The following LHFPL6 variants were observed in gnomAD, a reference collection of about 807,000 sequenced individuals.
LHFPL6 encodes the protein LHFPL tetraspan subfamily member 6 protein.
LHFPL6 carries 9 observed loss-of-function variants against 20.6 expected under a neutral mutation model. That is an observed-to-expected ratio of 0.44 (90% CI 0.26 to 0.76). The LOEUF is 0.76. Ranked by LOEUF, LHFPL6 falls within the 30% of genes least tolerant of loss-of-function variation. LHFPL6 has a pLI of 0.20. For missense variants in LHFPL6, 218 were observed against 253.5 expected (o/e 0.86, Z 0.95); for synonymous variants, 105 against 98.7 (o/e 1.06, Z -0.38).
At chr13:39,463,799 T>C (rs567287827) in intron 2 of LHFPL6, among the ~76,000 whole-genome samples, 1 of 152,328 alleles carries the variant, frequency 6.6e-6, no homozygotes, top group African/African-American at 2.4e-5. Context: ...ACACTCATGC[T>C]ATAATTGGTT....
intron 2 of LHFPL6, among the ~76,000 whole-genome samples, chr13:39,420,427 A>T (rs1871451912): frequency 6.6e-6 from 1 of 152,222 alleles, no homozygotes. Flanking sequence ...CTGTTCTAAA[A>T]GAAGCAAACA....
chr13:39,468,058 G>T (rs2138434391), intron 2 of LHFPL6, among the ~76,000 whole-genome samples: 1 of 152,206 alleles, frequency 6.6e-6, no homozygotes, highest in East Asian at 1.9e-4. Flanking sequence ...TAATATACTT[G>T]TTCCTCTTGG....
intron 2 of LHFPL6, among the ~76,000 whole-genome samples, chr13:39,494,791 G>C (rs1329075592): frequency 6.6e-6 from 1 of 152,182 alleles, no homozygotes; most frequent in Non-Finnish European, 1.5e-5. Flanking sequence ...TACTGACATA[G>C]TCACAAGAGA....
At chr13:39,494,313 A>AT (rs1172918033) in intron 2 of LHFPL6, among the ~76,000 whole-genome samples, 1 of 152,222 alleles carries the variant, frequency 6.6e-6, no homozygotes, top group African/African-American at 2.4e-5. Flanking sequence ...AGTTCGTGGC[A>AT]TTTTTTACCA....
chr13:39,601,074 C>T lies in LHFPL6; in HGVS notation c.143G>A (p.Arg48Gln), dbSNP rs765410724. 2.5e-6 allele frequency: 4 copies of T among 1,614,056 alleles called. No homozygotes were observed. The Admixed American group carries it at 5.0e-5, about 20-fold the overall frequency. ...LGKPVSFGTFRRCSYPVHDES... is the reference protein window; with the variant it reads ...LGKPVSFGTFQRCSYPVHDES... ...ATCATGCACAGGATATGAGCACCTC[C>T]GGAAGGTACCGAAGGACACAGGCTT... The change falls in exon 2 of 4, where the codon CGG becomes CAG. Residue 48 changes from arginine to glutamine, a missense_variant. Physicochemically the swap from Arg to Gln is conservative, Grantham distance 43. Coordinates refer to ENST00000379589, the MANE Select transcript of LHFPL6 (RefSeq NM_005780.3).
At chr13:39,461,994 G>C (rs9603543) in intron 2 of LHFPL6, among the ~76,000 whole-genome samples, 63,636 of 151,974 alleles carry the variant, frequency 0.42, 13,404 homozygotes, top group Middle Eastern at 0.52. Flanking sequence ...CTGTGGCTGA[G>C]TCTGTCACCT....
intron 2 of LHFPL6, among the ~76,000 whole-genome samples, chr13:39,586,391 T>C (rs1593374901): frequency 6.6e-6 from 1 of 152,186 alleles, no homozygotes; most frequent in Non-Finnish European, 1.5e-5. Flanking sequence ...ATATGCACAT[T>C]GTAACACTGT....
chr13:39,488,617 T>G (rs1868804429), intron 2 of LHFPL6, among the ~76,000 whole-genome samples: 1 of 152,192 alleles, frequency 6.6e-6, no homozygotes, highest in Non-Finnish European at 1.5e-5. Context: ...TACTACCAAA[T>G]GAAGCTATAA....
chr13:39,600,093 G>T (rs1034740662), intron 2 of LHFPL6, among the ~76,000 whole-genome samples: 2 of 152,234 alleles, frequency 1.3e-5, no homozygotes, highest in African/African-American at 4.8e-5. Context: ...AGATATTGAA[G>T]CAATACTTGC....
intron 2 of LHFPL6, among the ~76,000 whole-genome samples, chr13:39,490,105 A>AC (rs1868869828): frequency 6.6e-6 from 1 of 152,174 alleles, no homozygotes; most frequent in Non-Finnish European, 1.5e-5. Flanking sequence ...CAAAAAAAAA[A>AC]ACAGGAAACG....
chr13:39,458,802 A>C (rs1402502833), intron 2 of LHFPL6, among the ~76,000 whole-genome samples: 2 of 152,168 alleles, frequency 1.3e-5, no homozygotes, highest in African/African-American at 4.8e-5. Context: ...AGGGTTAGGA[A>C]GTCCACATTT....
chr13:39,350,849 T>C (rs1869552436), intron 3 of LHFPL6, among the ~76,000 whole-genome samples: 1 of 151,484 alleles, frequency 6.6e-6, no homozygotes, highest in Admixed American at 6.6e-5. Context: ...AGCCCCAGAG[T>C]AGAGATAGGG....
chr13:39,462,181 C>A (rs1872705228), intron 2 of LHFPL6, among the ~76,000 whole-genome samples: 2 of 152,146 alleles, frequency 1.3e-5, no homozygotes, highest in Admixed American at 1.3e-4. Flanking sequence ...CTTATTAGGT[C>A]TCTCTTCAGA....
At chr13:39,453,624 A>G (rs1872503822) in intron 2 of LHFPL6, among the ~76,000 whole-genome samples, 1 of 152,220 alleles carries the variant, frequency 6.6e-6, no homozygotes, top group Admixed American at 6.5e-5. Context: ...AGCAGCAGCT[A>G]AGTGAAAATC....
intron 2 of LHFPL6, among the ~76,000 whole-genome samples, chr13:39,475,506 T>A (rs1873062947): frequency 6.6e-6 from 1 of 152,002 alleles, no homozygotes; most frequent in African/African-American, 2.4e-5. Context: ...CAGGCACTAA[T>A]GTCAGAATAC....
intron 2 of LHFPL6, among the ~76,000 whole-genome samples, chr13:39,587,431 A>G (rs1225309226): frequency 6.6e-6 from 1 of 151,602 alleles, no homozygotes; most frequent in Non-Finnish European, 1.5e-5. Context: ...TCACAATGTC[A>G]CTCCTGCCCT....
chr13:39,483,451 G>C (rs975071815), intron 2 of LHFPL6, among the ~76,000 whole-genome samples: 16 of 149,348 alleles, frequency 1.1e-4, no homozygotes, highest in African/African-American at 3.9e-4. Context: ...AATTGGCCTA[G>C]AATATTCCAA....
intron 2 of LHFPL6, among the ~76,000 whole-genome samples, chr13:39,558,119 A>G (rs1871363654): frequency 6.6e-6 from 1 of 152,240 alleles, no homozygotes; most frequent in African/African-American, 2.4e-5. Flanking sequence ...ATGCAAGAGC[A>G]GACCAACACA....
chr13:39,479,930 A>G (rs554059753), intron 2 of LHFPL6, among the ~76,000 whole-genome samples: 6 of 152,350 alleles, frequency 3.9e-5, no homozygotes, highest in African/African-American at 1.4e-4. Context: ...AGAAACCAGT[A>G]ACCTGAGTCT....
Sources: gnomAD v4.1 joint callset for allele counts (sites outside exome capture counted in the v4.1 genomes callset) on GRCh38, gnomAD v4.1.1 for gene constraint, MANE v1.5 for transcripts, NCBI Gene and HGNC (gene_info 2026-07-23, HGNC 2026-07-21) for gene names.